Variants in RSRC1 observed in about 807,000 individuals in gnomAD.
RSRC1 encodes the protein serine/Arginine-related protein 53.
Under a neutral mutation model 49.1 loss-of-function variants are expected in RSRC1, and 39 were observed. The observed-to-expected ratio is 0.79, with a 90% CI of 0.61 to 1.04. RSRC1 has a LOEUF of 1.04. RSRC1 is among the 50% of genes least tolerant of loss of function. The probability of loss-of-function intolerance (pLI) is 0.00; values close to 1 mark genes in which losing one functional copy is unlikely to be tolerated. For synonymous variants in RSRC1, 143 were observed against 130.8 expected, an observed-to-expected ratio of 1.09 and a Z score of -0.63; for missense variants, 388 against 402.4, an observed-to-expected ratio of 0.96 and a Z score of 0.31.
chr3:158,157,814 C>T (rs537663573), intron 3 of RSRC1, among the ~76,000 whole-genome samples: 1 of 152,142 alleles, frequency 6.6e-6, no homozygotes, highest in East Asian at 1.9e-4. Context: ...ACTCGGGAGG[C>T]TGAGGCAGGA....
At chr3:158,501,758 T>A (rs1417835054) in intron 7 of RSRC1, among the ~76,000 whole-genome samples, 1 of 152,156 alleles carries the variant, frequency 6.6e-6, no homozygotes, top group Non-Finnish European at 1.5e-5. Flanking sequence ...GTTAGGTAAG[T>A]CTCCTGAAGG....
At chr3:158,251,884 G>T (rs1336224987) in intron 4 of RSRC1, among the ~76,000 whole-genome samples, 1 of 152,110 alleles carries the variant, frequency 6.6e-6, no homozygotes, top group South Asian at 2.1e-4. Flanking sequence ...GTGCATCCTT[G>T]TCTTCTTCCA....
At chr3:158,120,996 G>GT (rs1715218953) in intron 1 of RSRC1, among the ~76,000 whole-genome samples, 1 of 151,426 alleles carries the variant, frequency 6.6e-6, no homozygotes, top group Admixed American at 6.6e-5. Flanking sequence ...GGTTCTATTT[G>GT]TTTTTTCTGT....
At chr3:158,143,007 C>T (rs1716849924) in intron 3 of RSRC1, among the ~76,000 whole-genome samples, 1 of 152,174 alleles carries the variant, frequency 6.6e-6, no homozygotes, top group Admixed American at 6.5e-5. Context: ...TTGACTTCTA[C>T]ATTTCCAATA....
intron 3 of RSRC1, chr3:158,132,340 T>C (rs541485848): frequency 1.3e-5 from 2 of 153,634 alleles, no homozygotes; most frequent in South Asian, 4.0e-4. Flanking sequence ...GTGAATTTAC[T>C]TCTAATTTAT....
chr3:158,196,726 G>C (rs927177818), intron 3 of RSRC1, among the ~76,000 whole-genome samples: 1 of 152,082 alleles, frequency 6.6e-6, no homozygotes, highest in Non-Finnish European at 1.5e-5. Flanking sequence ...GTTGAATTTT[G>C]TCGAAGGCCT....
chr3:158,482,061 T>C (rs559601338), intron 7 of RSRC1, among the ~76,000 whole-genome samples: 1 of 152,170 alleles, frequency 6.6e-6, no homozygotes, highest in East Asian at 1.9e-4. Flanking sequence ...GGCAGTTTAA[T>C]AAAGTCATTA....
At position 158,528,846 on chromosome 3, in the gene RSRC1, T is replaced by C. The variant is rs118068846; in HGVS notation, c.653-8246T>C. Among the ~76,000 whole-genome samples, 188 of 152,114 alleles carry C rather than the reference T, an allele frequency of 1.2e-3. 3 individuals carry two copies. In the East Asian group the frequency reaches 0.034, roughly 27 times the overall value. ...GATTTGACTATCAATGTTGATTACA[T>C]TTGCAATAAGCATAAGGCAGTAGTC... On this transcript the variant is annotated intron_variant, in intron 7 of 9. Transcript: ENST00000611884.
chr3:158,349,969 A>T lies in RSRC1; in HGVS notation c.532-4888A>T, dbSNP rs373156249. Reference sequence around the variant, plus strand: ...TGCCTTGGCCTCCCAAAGTGCTAGGATTACAGGCTTGAGCCACGTGCCCAG... The same window carrying T: ...TGCCTTGGCCTCCCAAAGTGCTAGGTTTACAGGCTTGAGCCACGTGCCCAG... On this transcript the variant is annotated intron_variant, in intron 5 of 9. Coordinates refer to ENST00000611884, the MANE Select transcript of RSRC1 (RefSeq NM_001271838.2). Among the ~76,000 whole-genome samples the T allele has an allele frequency of 8.0e-5, 12 of 150,792 alleles. No individual in the cohort carries two copies. In the East Asian group the frequency reaches 2.4e-3, roughly 30 times the overall value.
intron 6 of RSRC1, among the ~76,000 whole-genome samples, chr3:158,357,658 A>C (rs1216567351): frequency 6.7e-6 from 1 of 148,418 alleles, no homozygotes; most frequent in Non-Finnish European, 1.5e-5. Flanking sequence ...AAATAAGCAA[A>C]TAAATAAGAA....
chr3:158,154,753 C>T lies in RSRC1; in HGVS notation c.320+30762C>T, dbSNP rs960518326. 5.7e-4 allele frequency among the ~76,000 whole-genome samples: 87 copies of T among 152,130 alleles called. 5 individuals are homozygous for T. Among genetic ancestry groups the T allele is most frequent in the African/African-American group, 2.4e-5 (1 of 41,424 alleles). ...GCTCGATTACAGGCGTGAGCCACTG[C>T]GCCCGGCCAGAACTTCTTTCAAAAT... On this transcript the variant is annotated intron_variant, in intron 3 of 9. Transcript: ENST00000611884.
At chr3:158,359,157 C>G (rs1731335589) in intron 6 of RSRC1, among the ~76,000 whole-genome samples, 1 of 152,142 alleles carries the variant, frequency 6.6e-6, no homozygotes, top group African/African-American at 2.4e-5. Context: ...AGCAGCTGAA[C>G]CATTTTACTT....
intron 5 of RSRC1, among the ~76,000 whole-genome samples, chr3:158,306,289 A>G (rs2108134364): frequency 6.6e-6 from 1 of 151,988 alleles, no homozygotes; most frequent in South Asian, 2.1e-4. Flanking sequence ...GCTTTTTTTT[A>G]ACATGTAAAA....
intron 4 of RSRC1, among the ~76,000 whole-genome samples, chr3:158,251,165 G>A (rs369000545): frequency 4.6e-5 from 7 of 152,150 alleles, no homozygotes; most frequent in Admixed American, 2.0e-4. Context: ...TCTCTATTCT[G>A]TTCCATTGGT....
At chr3:158,525,582 A>T (rs1245671581) in intron 7 of RSRC1, among the ~76,000 whole-genome samples, 1 of 152,004 alleles carries the variant, frequency 6.6e-6, no homozygotes, top group Non-Finnish European at 1.5e-5. Context: ...AAATAAAAAC[A>T]TGTTCACACA....
At chr3:158,138,724 A>G (rs971796553) in intron 3 of RSRC1, among the ~76,000 whole-genome samples, 2 of 152,198 alleles carry the variant, frequency 1.3e-5, no homozygotes, top group African/African-American at 4.8e-5. Flanking sequence ...AATGTTTCCT[A>G]TATTCCATGA....
At chr3:158,508,395 C>A (rs140198051) in intron 7 of RSRC1, among the ~76,000 whole-genome samples, 421 of 152,102 alleles carry the variant, frequency 2.8e-3, no homozygotes, top group African/African-American at 9.9e-3. Flanking sequence ...TACCCTCTCT[C>A]TATATCTATT....
rs967167037 is a variant in RSRC1, at chr3:158,427,952, A to G, written c.584-32983A>G. Among the ~76,000 whole-genome samples the G allele has an allele frequency of 3.3e-5, 5 of 151,766 alleles. No homozygotes were observed. The East Asian group carries it at 5.8e-4, about 18-fold the overall frequency. On this transcript the variant is annotated intron_variant, in intron 6 of 9. Coordinates refer to ENST00000611884, the MANE Select transcript of RSRC1 (RefSeq NM_001271838.2). ...TTTTAAATTTGTTTCTTTGATTTACATTATTTGAAACTGTTGTATCAAAGA... is the reference window on the plus strand; with the variant it reads ...TTTTAAATTTGTTTCTTTGATTTACGTTATTTGAAACTGTTGTATCAAAGA...
At chr3:158,203,936 TAAATTTAC>T (rs1226894902) in intron 4 of RSRC1, among the ~76,000 whole-genome samples, 2 of 152,190 alleles carry the variant, frequency 1.3e-5, no homozygotes, top group Non-Finnish European at 2.9e-5. Context: ...TTTAACAGAG[TAAATTTAC>T]AGCATCTTGT....
Sources: allele counts gnomAD v4.1 joint callset (sites outside exome capture counted in the v4.1 genomes callset), GRCh38; gene constraint gnomAD v4.1.1; transcripts MANE v1.5; gene names NCBI Gene and HGNC (gene_info 2026-07-23, HGNC 2026-07-21).